Variants in ARID1B observed in about 807,000 individuals in gnomAD.
ARID1B encodes AT-rich interactive domain-containing protein 1B.
In ARID1B, 30 loss-of-function variants were observed where a neutral mutation model predicts 212.3. That is an observed-to-expected ratio of 0.14 (90% CI 0.11 to 0.19). The LOEUF (loss-of-function observed/expected upper bound fraction) is 0.19, where lower values mean the gene tolerates loss of function less well. Ranked by LOEUF, ARID1B falls within the 10% of genes least tolerant of loss-of-function variation. The pLI is 1.00. For synonymous variants in ARID1B, 1,402 were observed against 1,301.7 expected (o/e 1.08, Z -1.66); for missense variants, 2,891 against 3,204.0 (o/e 0.90, Z 2.36).
At chr6:156,816,059 A>T (rs187743389) in intron 1 of ARID1B, among the ~76,000 whole-genome samples, 2 of 152,236 alleles carry the variant, frequency 1.3e-5, no homozygotes, top group African/African-American at 4.8e-5. Flanking sequence ...TACCATTCTT[A>T]ATTACAATAA....
At chr6:156,925,757 C>CT (rs1181117203) in intron 3 of ARID1B, among the ~76,000 whole-genome samples, 2 of 152,078 alleles carry the variant, frequency 1.3e-5, no homozygotes, top group African/African-American at 4.8e-5. Context: ...GGAAGGGAAA[C>CT]TATCGATGTG....
chr6:156,888,292 TC>T (rs1293583980), intron 2 of ARID1B, among the ~76,000 whole-genome samples: 1 of 152,210 alleles, frequency 6.6e-6, no homozygotes, highest in Non-Finnish European at 1.5e-5. Context: ...CACTTCTGCT[TC>T]CCGAGTGTTT....
At chr6:157,115,747 A>G (rs1787284607) in intron 6 of ARID1B, among the ~76,000 whole-genome samples, 1 of 152,092 alleles carries the variant, frequency 6.6e-6, no homozygotes, top group Non-Finnish European at 1.5e-5. Flanking sequence ...TTAACTAAAT[A>G]AAGAAAATTA....
At chr6:157,188,060 G>T (rs527924440) in intron 13 of ARID1B, among the ~76,000 whole-genome samples, 8 of 152,050 alleles carry the variant, frequency 5.3e-5, no homozygotes, top group Admixed American at 1.3e-4. Flanking sequence ...ACGCAAATTT[G>T]GTTTGTAAGT....
At chr6:157,183,322 G>A (rs550494516) in intron 12 of ARID1B, among the ~76,000 whole-genome samples, 3 of 152,250 alleles carry the variant, frequency 2.0e-5, no homozygotes, top group African/African-American at 4.8e-5. Flanking sequence ...ACACCACCGA[G>A]TACTAAGTAA....
At chr6:157,046,260 G>C (rs1782237063) in intron 4 of ARID1B, among the ~76,000 whole-genome samples, 1 of 152,194 alleles carries the variant, frequency 6.6e-6, no homozygotes, top group Non-Finnish European at 1.5e-5. Context: ...GAAAAGACAA[G>C]ACTGTGAGGC....
At chr6:157,204,183 A>AGT in intron 19 of ARID1B, 187 bp downstream of exon 19, 1 of 712,148 alleles carries the variant, frequency 1.4e-6, no homozygotes, top group Non-Finnish European at 2.3e-6. Flanking sequence ...TGTAGTCTTT[A>AGT]GTGTGTGTAC....
At chr6:157,127,801 A>AC (rs1445626597) in intron 6 of ARID1B, among the ~76,000 whole-genome samples, 5 of 147,196 alleles carry the variant, frequency 3.4e-5, no homozygotes, top group South Asian at 4.3e-4. Flanking sequence ...AAAAAAAAAA[A>AC]AAAAACAAAA....
At chr6:156,939,844 T>C (rs1237621898) in intron 4 of ARID1B, 1 of 152,224 alleles carries the variant, frequency 6.6e-6, no homozygotes, top group Non-Finnish European at 1.5e-5. Flanking sequence ...TTTTTACTTA[T>C]AAAAAATTAA....
At chr6:157,166,085 T>C (rs1371391807) in intron 8 of ARID1B, 1 of 152,192 alleles carries the variant, frequency 6.6e-6, no homozygotes, top group East Asian at 1.9e-4. Flanking sequence ...GCTCTTTACG[T>C]AAGAAGAGCT....
chr6:156,953,454 C>G (rs1793734962), intron 4 of ARID1B, among the ~76,000 whole-genome samples: 1 of 152,048 alleles, frequency 6.6e-6, no homozygotes, highest in African/African-American at 2.4e-5. Flanking sequence ...TTATTTTCTC[C>G]TGGGAGCAAG....
intron 1 of ARID1B, among the ~76,000 whole-genome samples, chr6:156,796,850 G>A (rs916859991): frequency 6.6e-6 from 1 of 152,048 alleles, no homozygotes; most frequent in African/African-American, 2.4e-5. Flanking sequence ...GGGCGTAGGA[G>A]CAGAAGCCAG....
At chr6:157,149,566 A>C (rs1477849974) in intron 8 of ARID1B, 1 of 152,282 alleles carries the variant, frequency 6.6e-6, no homozygotes, top group African/African-American at 2.4e-5. Context: ...AGTTGATAAA[A>C]GGCTTTAGCT....
At chr6:157,163,700 G>C (rs1435158834) in intron 8 of ARID1B, among the ~76,000 whole-genome samples, 1 of 152,146 alleles carries the variant, frequency 6.6e-6, no homozygotes, top group Non-Finnish European at 1.5e-5. Context: ...CCTCACTGTG[G>C]CCAGCTCCCT....
intron 4 of ARID1B, chr6:157,036,983 CACTG>C (rs1583190715): frequency 1.0e-5 from 4 of 398,536 alleles, no homozygotes; most frequent in Non-Finnish European, 2.0e-5. Context: ...ATAATCAAAA[CACTG>C]AGGTTTAAAA....
chr6:157,085,667 AGTTTTGGTGC>A (rs1784919211), intron 5 of ARID1B, among the ~76,000 whole-genome samples: 7 of 151,952 alleles, frequency 4.6e-5, no homozygotes, highest in African/African-American at 1.7e-4. Flanking sequence ...CATGGGCGTT[AGTTTTGGTGC>A]TTTTTAACGT....
chr6:157,110,126 G>A (rs1318987294), intron 5 of ARID1B, among the ~76,000 whole-genome samples: 2 of 152,162 alleles, frequency 1.3e-5, no homozygotes, highest in East Asian at 3.9e-4. Context: ...GGAGACTCAC[G>A]TAAGAGTCAG....
chr6:156,783,380 G>A lies in ARID1B; in HGVS notation c.1791+3909G>A, dbSNP rs563772922. The stretch of plus-strand genomic sequence containing the variant: ...TGATTTGAGAACTGATTTTAAAAAT[G>A]TAAGACAATGTAGAGGAAGACTTAA... On this transcript the variant is annotated intron_variant, in intron 1 of 19. Transcript: ENST00000636930. Among the ~76,000 whole-genome samples, 3 of 151,760 alleles carry A rather than the reference G, an allele frequency of 2.0e-5. No individual in the cohort carries two copies. In the East Asian group the frequency reaches 5.8e-4, roughly 29 times the overall value.
intron 9 of ARID1B, among the ~76,000 whole-genome samples, chr6:157,170,535 G>A (rs947358488): frequency 6.6e-6 from 1 of 152,164 alleles, no homozygotes; most frequent in Non-Finnish European, 1.5e-5. Flanking sequence ...AAAGGGTTTT[G>A]ATAAGTTATG....
Sources: allele counts gnomAD v4.1 joint callset (sites outside exome capture counted in the v4.1 genomes callset), GRCh38; gene constraint gnomAD v4.1.1; transcripts MANE v1.5; gene names NCBI Gene and HGNC (gene_info 2026-07-23, HGNC 2026-07-21).